MDGA2: variants seen among roughly 807,000 people sequenced by gnomAD.
The protein encoded by MDGA2 is MAM domain containing glycosylphosphatidylinositol anchor 2, also known as MAM domain-containing glycosylphosphatidylinositol anchor protein 2.
Under a neutral mutation model 117.8 loss-of-function variants are expected in MDGA2, and 40 were observed. That is an observed-to-expected ratio of 0.34 (90% CI 0.26 to 0.44). The LOEUF (loss-of-function observed/expected upper bound fraction) is 0.44, where lower values mean the gene tolerates loss of function less well. MDGA2 is among the 20% of genes least tolerant of loss of function. The pLI, the probability that MDGA2 is intolerant of heterozygous loss-of-function variation, is 1.00. For missense variants in MDGA2, 1,123 were observed against 1,250.6 expected, an observed-to-expected ratio of 0.90 and a Z score of 1.54; for synonymous variants, 452 against 439.0, an observed-to-expected ratio of 1.03 and a Z score of -0.37.
At chr14:47,494,126 T>C (rs1440132255) in intron 1 of MDGA2, among the ~76,000 whole-genome samples, 4 of 152,146 alleles carry the variant, frequency 2.6e-5, no homozygotes, top group Non-Finnish European at 5.9e-5. Context: ...TGCTTTCCCT[T>C]TCACCATGAT....
At chr14:46,917,469 C>A (rs1412898384) in intron 10 of MDGA2, among the ~76,000 whole-genome samples, 1 of 152,036 alleles carries the variant, frequency 6.6e-6, no homozygotes, top group Admixed American at 6.6e-5. Context: ...GGATTAAAAA[C>A]CCAGGCTTAG....
chr14:47,484,857 C>T (rs1185603320), intron 1 of MDGA2, among the ~76,000 whole-genome samples: 4 of 152,236 alleles, frequency 2.6e-5, no homozygotes, highest in South Asian at 4.1e-4. Flanking sequence ...CTTGCTCCTC[C>T]TTGCCTTCCA....
intron 1 of MDGA2, among the ~76,000 whole-genome samples, chr14:47,461,269 A>ATGTGTGTGTGTGTGTGTGTG (rs55889646): frequency 0.043 from 6,149 of 142,810 alleles, 174 homozygotes; most frequent in East Asian, 0.056. Flanking sequence ...AAAAAAATGT[A>ATGTGTGTGTGTGTGTGTGTG]TGTGTGTGTG....
intron 1 of MDGA2, among the ~76,000 whole-genome samples, chr14:47,495,185 C>T (rs1037253149): frequency 6.6e-6 from 1 of 151,984 alleles, no homozygotes; most frequent in African/African-American, 2.4e-5. Flanking sequence ...TCAAAAACCA[C>T]CTGTTCTCAC....
At chr14:47,403,698 T>C (rs894187672) in intron 1 of MDGA2, among the ~76,000 whole-genome samples, 6 of 152,144 alleles carry the variant, frequency 3.9e-5, no homozygotes, top group African/African-American at 1.4e-4. Context: ...TTTGCGTGCT[T>C]TAGCTTTCCA....
intron 3 of MDGA2, among the ~76,000 whole-genome samples, chr14:47,182,462 G>A (rs1884746528): frequency 6.6e-6 from 1 of 152,052 alleles, no homozygotes; most frequent in Non-Finnish European, 1.5e-5. Context: ...GAGACACTAG[G>A]AGTGTGTGCA....
At chr14:47,381,547 G>A (rs558477053) in intron 1 of MDGA2, among the ~76,000 whole-genome samples, 3,688 of 152,122 alleles carry the variant, frequency 0.024, 65 homozygotes, top group Non-Finnish European at 0.038. Flanking sequence ...AAAAATCACA[G>A]TCATTCCTAT....
chr14:47,106,618 GACT>G (rs1358458273), intron 5 of MDGA2, among the ~76,000 whole-genome samples: 2 of 152,024 alleles, frequency 1.3e-5, no homozygotes, highest in Non-Finnish European at 2.9e-5. Context: ...CTCTCTGACT[GACT>G]CCTTCCCAGA....
chr14:47,622,720 G>T (rs1280826766), intron 1 of MDGA2, among the ~76,000 whole-genome samples: 1 of 152,172 alleles, frequency 6.6e-6, no homozygotes, highest in Non-Finnish European at 1.5e-5. Context: ...AGGTGTTGTT[G>T]CTAGCCTGTT....
chr14:46,960,065 T>C (rs376657213), intron 8 of MDGA2, among the ~76,000 whole-genome samples: 225 of 151,898 alleles, frequency 1.5e-3, no homozygotes, highest in African/African-American at 5.1e-3. Flanking sequence ...CTACCAAAAA[T>C]ACAAAAATTA....
At chr14:46,846,928 G>A (rs530687174) in intron 15 of MDGA2, among the ~76,000 whole-genome samples, 27 of 152,052 alleles carry the variant, frequency 1.8e-4, no homozygotes, top group Non-Finnish European at 4.0e-4. Context: ...ATCTGACAAT[G>A]TTTATTTTTA....
chr14:47,326,788 G>A (rs1442837238), intron 1 of MDGA2, among the ~76,000 whole-genome samples: 1 of 151,946 alleles, frequency 6.6e-6, no homozygotes, highest in Non-Finnish European at 1.5e-5. Context: ...CTTGGCTTTA[G>A]AAACGGAGAC....
chr14:47,240,237 G>C (rs2139602261), intron 2 of MDGA2, among the ~76,000 whole-genome samples: 1 of 151,616 alleles, frequency 6.6e-6, no homozygotes, highest in African/African-American at 2.4e-5. Flanking sequence ...TAGAGATGGG[G>C]GTTTCACCAT....
chr14:47,638,945 C>T lies in MDGA2; in HGVS notation c.280+35572G>A, dbSNP rs148383026. ...TAGTTCTGTGTAATTTCTTGGCATTCCTTGAAGATACCAGACATTCACATA... is the reference window on the plus strand; with the variant it reads ...TAGTTCTGTGTAATTTCTTGGCATTTCTTGAAGATACCAGACATTCACATA... On this transcript the variant is annotated intron_variant, in intron 1 of 16. Transcript: ENST00000399232. Among the ~76,000 whole-genome samples, 953 of 152,166 alleles carry T rather than the reference C, an allele frequency of 6.3e-3. 12 individuals carry two copies. Among genetic ancestry groups the T allele is most frequent in the African/African-American group, 0.022 (903 of 41,516 alleles).
chr14:47,335,842 A>G (rs1410264820), intron 1 of MDGA2, among the ~76,000 whole-genome samples: 1 of 150,592 alleles, frequency 6.6e-6, no homozygotes, highest in Non-Finnish European at 1.5e-5. Context: ...GGATGCTTTC[A>G]GTTTAACTCA....
chr14:47,607,753 T>A (rs1309401409), intron 1 of MDGA2, among the ~76,000 whole-genome samples: 3 of 152,134 alleles, frequency 2.0e-5, no homozygotes, highest in Non-Finnish European at 2.9e-5. Context: ...GGATATGGGA[T>A]ATGTATTTTA....
At chr14:46,907,822 T>A (rs1284831130) in intron 10 of MDGA2, among the ~76,000 whole-genome samples, 2 of 152,184 alleles carry the variant, frequency 1.3e-5, no homozygotes, top group Non-Finnish European at 2.9e-5. Context: ...AACTGTTTAT[T>A]TGTATACAGT....
chr14:47,627,544 G>T (rs561691087), intron 1 of MDGA2, among the ~76,000 whole-genome samples: 17 of 152,200 alleles, frequency 1.1e-4, no homozygotes, highest in African/African-American at 3.1e-4. Flanking sequence ...TGGGGGCCTG[G>T]AGAACTTTTG....
intron 1 of MDGA2, among the ~76,000 whole-genome samples, chr14:47,348,705 A>G (rs1217144503): frequency 6.6e-6 from 1 of 152,188 alleles, no homozygotes; most frequent in Non-Finnish European, 1.5e-5. Flanking sequence ...AGATGGAGAC[A>G]GAGAGACAAA....
Sources: allele counts gnomAD v4.1 joint callset (sites outside exome capture counted in the v4.1 genomes callset), GRCh38; gene constraint gnomAD v4.1.1; transcripts MANE v1.5; gene names NCBI Gene and HGNC (gene_info 2026-07-23, HGNC 2026-07-21).